Variants in WDR45B observed in about 807,000 individuals in gnomAD.
WDR45B encodes the protein WD repeat domain phosphoinositide-interacting protein 3.
Under a neutral mutation model 44.6 loss-of-function variants are expected in WDR45B, and 20 were observed. The observed-to-expected ratio is 0.45, with a 90% CI of 0.32 to 0.65. WDR45B has a LOEUF of 0.65. Among genes scored for constraint, WDR45B ranks in the 30% least tolerant of loss-of-function variants. The pLI is 0.05. For missense variants in WDR45B, 323 were observed against 430.2 expected, an observed-to-expected ratio of 0.75 and a Z score of 2.20; for synonymous variants, 169 against 164.9, an observed-to-expected ratio of 1.02 and a Z score of -0.19.
intron 2 of WDR45B, among the ~76,000 whole-genome samples, chr17:82,638,915 T>C (rs1249572479): frequency 6.6e-6 from 1 of 151,928 alleles, no homozygotes; most frequent in Non-Finnish European, 1.5e-5. Context: ...CTCCGCCTCC[T>C]GGGTTCAAGT....
chr17:82,638,620 G>C (rs939194193), intron 2 of WDR45B, among the ~76,000 whole-genome samples: 5 of 151,902 alleles, frequency 3.3e-5, no homozygotes, highest in African/African-American at 1.2e-4. Flanking sequence ...TTATACAAAT[G>C]AGTGAAAATC....
chr17:82,624,942 C>T (rs1470075078), intron 5 of WDR45B, among the ~76,000 whole-genome samples: 1 of 152,078 alleles, frequency 6.6e-6, no homozygotes, highest in Non-Finnish European at 1.5e-5. Flanking sequence ...TAAAACGAGT[C>T]AGTTTTTTGT....
intron 2 of WDR45B, among the ~76,000 whole-genome samples, chr17:82,635,560 G>A (rs571014954): frequency 6.6e-6 from 1 of 151,190 alleles, no homozygotes; most frequent in Non-Finnish European, 1.5e-5. Context: ...CAAGTAGCTG[G>A]GATTACAGGC....
chr17:82,640,465 C>T (rs2045899859), intron 2 of WDR45B, among the ~76,000 whole-genome samples: 1 of 151,978 alleles, frequency 6.6e-6, no homozygotes, highest in African/African-American at 2.4e-5. Context: ...ATTCTCCTGC[C>T]TCAGCCTCCC....
At chr17:82,622,868 A>T (rs1307962177) in intron 5 of WDR45B, among the ~76,000 whole-genome samples, 1 of 152,194 alleles carries the variant, frequency 6.6e-6, no homozygotes, top group African/African-American at 2.4e-5. Flanking sequence ...GTCCAGAAAA[A>T]AAACCTTGTA....
intron 2 of WDR45B, among the ~76,000 whole-genome samples, chr17:82,632,761 C>T (rs919363579): frequency 2.6e-5 from 4 of 152,188 alleles, no homozygotes; most frequent in Non-Finnish European, 5.9e-5. Flanking sequence ...GGCACAGTGG[C>T]TCACATCTGT....
chr17:82,615,572 G>A lies in WDR45B; in HGVS notation c.*347C>T, dbSNP rs1261380118. 6 of 359,416 alleles carry A rather than the reference G, an allele frequency of 1.7e-5. No individual in the cohort carries two copies. The highest frequency in any genetic ancestry group is 8.4e-5 in the South Asian group (3 of 35,642). 22.3% of individuals were successfully genotyped at this position (359,416 alleles called of 1,614,324 possible). ...CTGCTGCAAAAACAAACCTGAACTC[G>A]TCCACCCTCTCAGCCCAGTCCCCAG... On this transcript the variant is annotated 3_prime_UTR_variant, in exon 10 of 10. Coordinates refer to ENST00000392325, the MANE Select transcript of WDR45B (RefSeq NM_019613.4).
intron 2 of WDR45B, among the ~76,000 whole-genome samples, chr17:82,637,896 G>A (rs972327819): frequency 6.6e-6 from 1 of 151,632 alleles, no homozygotes; most frequent in Non-Finnish European, 1.5e-5. Flanking sequence ...GAAAGGGTGG[G>A]GGTGTGGTGG....
intron 5 of WDR45B, among the ~76,000 whole-genome samples, chr17:82,623,699 TA>T (rs1257085344): frequency 6.1e-5 from 8 of 131,754 alleles, no homozygotes; most frequent in South Asian, 2.5e-4. Context: ...CCCCATCTCA[TA>T]TTAAAAAAAA....
Position 82,615,526 on chromosome 17 carries a change from A to C in WDR45B, c.*393T>G. 1 of 296,756 alleles carries C rather than the reference A, an allele frequency of 3.4e-6. No homozygotes were observed. Among genetic ancestry groups the C allele is most frequent in the Non-Finnish European group, 6.6e-6 (1 of 151,646 alleles). 18.4% of individuals were successfully genotyped at this position (296,756 alleles called of 1,614,324 possible). ...ACACTTGTTCACTCCCCCGCTGCAG[A>C]CTCAGTAAGAACGACGGAATCTGCT... On this transcript the variant is annotated 3_prime_UTR_variant, in exon 10 of 10. Transcript: ENST00000392325.
chr17:82,644,183 C>A, intron 1 of WDR45B, 160 bp from the exon 2 acceptor site: 1 of 717,430 alleles, frequency 1.4e-6, no homozygotes, highest in Non-Finnish European at 2.5e-6. Flanking sequence ...ACAAATGTTA[C>A]TAAGTGACAA....
intron 2 of WDR45B, among the ~76,000 whole-genome samples, chr17:82,637,612 C>T (rs748894128): frequency 4.6e-5 from 7 of 151,960 alleles, no homozygotes; most frequent in Non-Finnish European, 1.0e-4. Context: ...TTGGGGTTCC[C>T]GTGACCCCTT....
intron 5 of WDR45B, among the ~76,000 whole-genome samples, chr17:82,624,185 C>T (rs1193288862): frequency 6.6e-6 from 1 of 152,174 alleles, no homozygotes; most frequent in Non-Finnish European, 1.5e-5. Context: ...TACACACACA[C>T]AGAGGACAAA....
intron 2 of WDR45B, among the ~76,000 whole-genome samples, chr17:82,636,735 G>A (rs928501871): frequency 6.6e-6 from 1 of 151,926 alleles, no homozygotes; most frequent in African/African-American, 2.4e-5. Context: ...CGACTTTCTT[G>A]TTCTTCCTTG....
chr17:82,635,802 G>A (rs2045825098), intron 2 of WDR45B, among the ~76,000 whole-genome samples: 1 of 151,962 alleles, frequency 6.6e-6, no homozygotes. Flanking sequence ...AAGAAATGTT[G>A]GCTGGGTGCA....
intron 3 of WDR45B, chr17:82,629,771 T>C (rs2045744363): frequency 2.1e-5 from 21 of 985,578 alleles, no homozygotes; most frequent in Non-Finnish European, 2.5e-5. Flanking sequence ...TCACGAGTCA[T>C]CTGGAACCTT....
Position 82,617,376 on chromosome 17 carries a change from C to T in WDR45B, c.726G>A (p.Ala242=), listed in dbSNP as rs1020986482. ...GGTCGCTGGATACGCAGATGAGGGA[C>T]GCATCCTGATTGAAGTTGATGCTGC... ...NIYCINFNQD[A]SLICVSSDHG... The change falls in exon 8 of 10, where the codon GCG becomes GCA. Residue 242 remains alanine, a synonymous_variant. Transcript: ENST00000392325. The T allele has an allele frequency of 9.9e-6, 16 of 1,614,026 alleles. No individual in the cohort carries two copies. Among genetic ancestry groups the T allele is most frequent in the African/African-American group, 9.3e-5 (7 of 74,932 alleles).
intron 9 of WDR45B, 125 bp downstream of exon 9, chr17:82,616,399 G>A: frequency 1.4e-6 from 2 of 1,473,304 alleles, no homozygotes; most frequent in Non-Finnish European, 1.9e-6. Context: ...GAAATAAGGG[G>A]AACTGGGCGG....
chr17:82,624,467 G>A (rs1282926416), intron 5 of WDR45B, among the ~76,000 whole-genome samples: 2 of 152,022 alleles, frequency 1.3e-5, no homozygotes, highest in Non-Finnish European at 2.9e-5. Flanking sequence ...TCACCACGTT[G>A]ACCAGGATGC....
Sources: allele counts gnomAD v4.1 joint callset (sites outside exome capture counted in the v4.1 genomes callset), GRCh38; gene constraint gnomAD v4.1.1; transcripts MANE v1.5; gene names NCBI Gene and HGNC (gene_info 2026-07-23, HGNC 2026-07-21).